Variants in CDH13 observed in about 807,000 individuals in gnomAD.
The protein encoded by CDH13 is cadherin-13.
CDH13 carries 24 observed loss-of-function variants against 63.8 expected under a neutral mutation model. The observed-to-expected ratio is 0.38, with a 90% confidence interval of 0.27 to 0.53. CDH13 has a LOEUF of 0.53. Among genes scored for constraint, CDH13 ranks in the 20% least tolerant of loss-of-function variants. CDH13 has a pLI of 0.85. For synonymous variants in CDH13, 503 were observed against 355.3 expected (o/e 1.42, Z -4.67); for missense variants, 1,049 against 903.1 (o/e 1.16, Z -2.07).
chr16:83,167,486 T>TGA (rs2037728396), intron 4 of CDH13, among the ~76,000 whole-genome samples: 1 of 116,696 alleles, frequency 8.6e-6, no homozygotes, highest in African/African-American at 3.8e-5. Flanking sequence ...AGGGACAGAG[T>TGA]GAGACCCTTT....
intron 6 of CDH13, among the ~76,000 whole-genome samples, chr16:83,474,786 G>A (rs567081568): frequency 1.5e-3 from 229 of 152,328 alleles, no homozygotes; most frequent in Non-Finnish European, 2.7e-3. Context: ...CTTAGGGCTG[G>A]AGAAGGCACT....
chr16:82,968,697 GCTCTAGAAGCC>G (rs1244439356), intron 2 of CDH13, among the ~76,000 whole-genome samples: 1 of 152,156 alleles, frequency 6.6e-6, no homozygotes, highest in African/African-American at 2.4e-5. Flanking sequence ...CTTCTTGGCA[GCTCTAGAAGCC>G]CTGGTATAGG....
At chr16:83,228,507 A>G (rs911362361) in intron 5 of CDH13, among the ~76,000 whole-genome samples, 5 of 152,226 alleles carry the variant, frequency 3.3e-5, no homozygotes, top group African/African-American at 4.8e-5. Flanking sequence ...ATTTGCAACA[A>G]TCGACTATAT....
intron 1 of CDH13, among the ~76,000 whole-genome samples, chr16:82,704,044 A>G (rs1023026541): frequency 1.6e-4 from 24 of 152,270 alleles, no homozygotes; most frequent in Non-Finnish European, 2.9e-4. Context: ...AGTACCAAAT[A>G]AAAAAACCCA....
At chr16:82,673,009 T>C (rs1278684479) in intron 1 of CDH13, among the ~76,000 whole-genome samples, 12 of 133,216 alleles carry the variant, frequency 9.0e-5, no homozygotes, top group African/African-American at 1.7e-4. Flanking sequence ...CTTTTTTTTT[T>C]TTTTTTTTTT....
intron 8 of CDH13, among the ~76,000 whole-genome samples, chr16:83,635,254 C>G (rs1265511014): frequency 1.3e-5 from 2 of 151,216 alleles, no homozygotes; most frequent in Non-Finnish European, 2.9e-5. Flanking sequence ...AAATGTCTAA[C>G]TATGTCTTTT....
At chr16:82,831,790 C>T (rs745360375) in intron 1 of CDH13, among the ~76,000 whole-genome samples, 1 of 152,272 alleles carries the variant, frequency 6.6e-6, no homozygotes, top group Middle Eastern at 3.4e-3. Context: ...GTTCAAATGA[C>T]TTGGCCCCTT....
chr16:82,884,843 C>G (rs1159037884), intron 2 of CDH13, among the ~76,000 whole-genome samples: 1 of 152,172 alleles, frequency 6.6e-6, no homozygotes, highest in Admixed American at 6.5e-5. Flanking sequence ...CTCCAGTCAT[C>G]AACTTATAAC....
At chr16:82,649,728 G>A (rs1246048622) in intron 1 of CDH13, among the ~76,000 whole-genome samples, 1 of 152,014 alleles carries the variant, frequency 6.6e-6, no homozygotes, top group Non-Finnish European at 1.5e-5. Context: ...AAGAAGACAT[G>A]GAAAAATGGA....
chr16:83,783,163 C>T (rs1017997751), intron 12 of CDH13, 91 bp from the exon 13 acceptor site: 10 of 803,250 alleles, frequency 1.2e-5, no homozygotes, highest in Non-Finnish European at 2.1e-5. Context: ...AAATGCAATG[C>T]CTGTTTGGTG....
At chr16:83,736,980 A>G (rs773029149) in intron 10 of CDH13, among the ~76,000 whole-genome samples, 11 of 152,174 alleles carry the variant, frequency 7.2e-5, no homozygotes, top group African/African-American at 1.2e-4. Flanking sequence ...TGTCAGTTCC[A>G]TTGTTTGCCA....
intron 1 of CDH13, among the ~76,000 whole-genome samples, chr16:82,699,884 A>G (rs2030778199): frequency 6.6e-6 from 1 of 152,260 alleles, no homozygotes; most frequent in Non-Finnish European, 1.5e-5. Context: ...CATGGGTGAC[A>G]CTGATGCAAT....
At chr16:83,098,022 A>C (rs1469218909) in intron 3 of CDH13, among the ~76,000 whole-genome samples, 1 of 152,208 alleles carries the variant, frequency 6.6e-6, no homozygotes, top group Non-Finnish European at 1.5e-5. Flanking sequence ...ATGAGACTTC[A>C]GGGCAGGAAA....
rs2038471556 is a variant in CDH13 at position 82,830,247 on chromosome 16, T to C, written c.46-28115T>C. 2.6e-5 allele frequency among the ~76,000 whole-genome samples: 4 copies of C among 152,224 alleles called. No individual in the cohort carries two copies. In the South Asian group the frequency reaches 6.2e-4, roughly 24 times the overall value. ...CTACAGGGAGGACACTTGGTACTTA[T>C]CAATAACTCCATTCATTTATCTATT... On this transcript the variant is annotated intron_variant, in intron 1 of 13. Transcript: ENST00000567109.
chr16:83,480,150 C>T (rs1053355839), intron 6 of CDH13, among the ~76,000 whole-genome samples: 3 of 152,130 alleles, frequency 2.0e-5, no homozygotes, highest in African/African-American at 4.8e-5. Context: ...CATGACAAAA[C>T]CCCATCTCTA....
intron 7 of CDH13, among the ~76,000 whole-genome samples, chr16:83,567,488 C>A (rs1365110311): frequency 1.3e-5 from 2 of 152,122 alleles, no homozygotes; most frequent in African/African-American, 4.8e-5. Context: ...AATGGCAGAG[C>A]TGGTGCATGT....
At chr16:82,865,752 T>C (rs1219015833) in intron 2 of CDH13, among the ~76,000 whole-genome samples, 1 of 152,200 alleles carries the variant, frequency 6.6e-6, no homozygotes, top group Non-Finnish European at 1.5e-5. Context: ...AACATTTGGC[T>C]CCTTTTTATT....
intron 10 of CDH13, among the ~76,000 whole-genome samples, chr16:83,682,584 G>T (rs796766080): frequency 6.6e-6 from 1 of 152,000 alleles, no homozygotes; most frequent in Admixed American, 6.5e-5. Context: ...TTGGCTGTGC[G>T]GTCACCACAG....
At chr16:83,560,149 C>T (rs546330979) in intron 7 of CDH13, among the ~76,000 whole-genome samples, 4 of 152,210 alleles carry the variant, frequency 2.6e-5, no homozygotes, top group Middle Eastern at 6.8e-3. Context: ...TGGACAAGAG[C>T]AGAGCAAAGG....
Sources: gnomAD v4.1 joint callset for allele counts (sites outside exome capture counted in the v4.1 genomes callset) on GRCh38, gnomAD v4.1.1 for gene constraint, MANE v1.5 for transcripts, NCBI Gene and HGNC (gene_info 2026-07-23, HGNC 2026-07-21) for gene names.